The following PRKD1 variants were observed in gnomAD, a reference collection of about 807,000 sequenced individuals.
The protein encoded by PRKD1 is serine/threonine-protein kinase D1.
PRKD1 carries 63 observed loss-of-function variants against 95.9 expected under a neutral mutation model. The ratio of observed to expected loss-of-function variants is 0.66; its 90% confidence interval spans 0.54 to 0.81. The LOEUF (loss-of-function observed/expected upper bound fraction) is 0.81. Among genes scored for constraint, PRKD1 ranks in the 30% least tolerant of loss-of-function variants. The pLI is 0.00. For synonymous variants in PRKD1, 425 were observed against 423.1 expected (o/e 1.00, Z -0.05); for missense variants, 1,048 against 1,165.3 (o/e 0.90, Z 1.47).
intron 1 of PRKD1, among the ~76,000 whole-genome samples, chr14:29,852,601 C>T (rs1447342292): frequency 6.6e-6 from 1 of 151,778 alleles, no homozygotes; most frequent in South Asian, 2.1e-4. Context: ...ATGAAAACTT[C>T]CCAAATTTGA....
intron 2 of PRKD1, among the ~76,000 whole-genome samples, chr14:29,721,262 A>G (rs1047123451): frequency 1.3e-5 from 2 of 152,232 alleles, no homozygotes; most frequent in Non-Finnish European, 2.9e-5. Context: ...AAAAGTTATA[A>G]TACAAGATAA....
At chr14:29,770,694 T>C (rs1230730281) in intron 1 of PRKD1, among the ~76,000 whole-genome samples, 1 of 152,054 alleles carries the variant, frequency 6.6e-6, no homozygotes, top group East Asian at 1.9e-4. Context: ...AGGTCAGGCA[T>C]TGTGACTCAC....
intron 1 of PRKD1, 143 bp downstream of exon 1, chr14:29,927,106 G>C: frequency 2.3e-6 from 2 of 873,802 alleles, no homozygotes; most frequent in Non-Finnish European, 3.0e-6. Context: ...CAGCCGCGGC[G>C]GGGCCAGCCG....
In PRKD1 at chr14:29,597,628, A is replaced by G; in HGVS notation, c.2297T>C (p.Met766Thr). 1.2e-6 allele frequency: 2 copies of G among 1,614,086 alleles called. No individual in the cohort carries two copies. The highest frequency in any genetic ancestry group is 2.2e-5 in the East Asian group (1 of 44,870). Residue 766 changes from methionine (M) to threonine (T), a missense_variant, in exon 16 of 18, where the codon ATG becomes ACG. Physicochemically the swap from Met to Thr is moderately conservative, Grantham distance 81. Around this residue, in one of 3 missense-constraint regions of PRKD1, gnomAD observed 739 missense variants for 861.9 expected, o/e 0.86. Transcript: ENST00000331968. ...ATAGATGATGACCCCAACAGACCAC[A>G]TGTCTAGAGAGCGATTGTAGCCCTT... Reference protein sequence around the residue: ...RNKGYNRSLDMWSVGVIIYVS... With the variant: ...RNKGYNRSLDTWSVGVIIYVS...
chr14:29,810,685 A>G (rs571569209), intron 1 of PRKD1, among the ~76,000 whole-genome samples: 1 of 152,398 alleles, frequency 6.6e-6, no homozygotes, highest in South Asian at 2.1e-4. Flanking sequence ...TGGTGACATT[A>G]GCTTGGCACT....
At chr14:29,663,129 G>T (rs995204401) in intron 4 of PRKD1, among the ~76,000 whole-genome samples, 8 of 122,218 alleles carry the variant, frequency 6.5e-5, no homozygotes, top group South Asian at 2.9e-4. Flanking sequence ...ATATCTTATG[G>T]ATATAGTTAA....
At chr14:29,688,859 G>A (rs1057162281) in intron 2 of PRKD1, among the ~76,000 whole-genome samples, 2 of 151,168 alleles carry the variant, frequency 1.3e-5, no homozygotes, top group Non-Finnish European at 2.9e-5. Context: ...TGTGAACCCG[G>A]GAGGTGGAGG....
chr14:29,742,747 A>G (rs987576231), intron 1 of PRKD1, among the ~76,000 whole-genome samples: 7 of 152,220 alleles, frequency 4.6e-5, no homozygotes, highest in Non-Finnish European at 8.8e-5. Flanking sequence ...CATGCATATA[A>G]TCGATCAATA....
intron 16 of PRKD1, among the ~76,000 whole-genome samples, chr14:29,583,190 CA>C (rs769812508): frequency 7.2e-5 from 11 of 152,094 alleles, no homozygotes; most frequent in Non-Finnish European, 4.4e-5. Flanking sequence ...ATAAAAACAG[CA>C]AAAGGACTAT....
Position 29,883,658 on chromosome 14 carries a change from T to C in PRKD1, c.264+43591A>G, listed in dbSNP as rs186249843. Among the ~76,000 whole-genome samples the C allele has an allele frequency of 2.4e-3, 361 of 152,334 alleles. 1 individual carries two copies. The highest frequency in any genetic ancestry group is 0.01 in the Middle Eastern group (3 of 294). On this transcript the variant is annotated intron_variant, in intron 1 of 17. Coordinates refer to ENST00000331968, the MANE Select transcript of PRKD1 (RefSeq NM_002742.3). ...TGTTTACTGATTTCTGAGTTATACT[T>C]GATGGACATATCACCAAATACTTTA...
At chr14:29,624,498 C>A (rs571934799) in intron 12 of PRKD1, among the ~76,000 whole-genome samples, 2 of 151,948 alleles carry the variant, frequency 1.3e-5, no homozygotes, top group Non-Finnish European at 2.9e-5. Flanking sequence ...AAAAGCTATA[C>A]GTATCAACAC....
chr14:29,918,717 C>T (rs1251117644), intron 1 of PRKD1, among the ~76,000 whole-genome samples: 1 of 152,164 alleles, frequency 6.6e-6, no homozygotes, highest in Non-Finnish European at 1.5e-5. Context: ...CCACTCCTAA[C>T]CAGAATTGCT....
At chr14:29,916,642 T>C (rs574302183) in intron 1 of PRKD1, among the ~76,000 whole-genome samples, 1 of 152,322 alleles carries the variant, frequency 6.6e-6, no homozygotes, top group African/African-American at 2.4e-5. Context: ...TGGTCACCCA[T>C]GTTCTTACTT....
At chr14:29,917,048 A>AG (rs757725973) in intron 1 of PRKD1, among the ~76,000 whole-genome samples, 6 of 152,072 alleles carry the variant, frequency 3.9e-5, no homozygotes, top group Non-Finnish European at 8.8e-5. Context: ...GTTAGAAGGG[A>AG]GGGGGGGAAA....
chr14:29,635,183 G>A (rs910379038), intron 7 of PRKD1, among the ~76,000 whole-genome samples: 6 of 152,116 alleles, frequency 3.9e-5, no homozygotes, highest in African/African-American at 1.2e-4. Context: ...AAGCTTATTT[G>A]CTTATTTATT....
Position 29,799,126 on chromosome 14 carries a change from C to T in PRKD1, c.265-73452G>A, listed in dbSNP as rs531223700. Among the ~76,000 whole-genome samples the T allele has an allele frequency of 3.3e-5, 5 of 152,250 alleles. No individual in the cohort carries two copies. In the East Asian group the frequency reaches 9.6e-4, roughly 29 times the overall value. On this transcript the variant is annotated intron_variant, in intron 1 of 17. Coordinates refer to ENST00000331968, the MANE Select transcript of PRKD1 (RefSeq NM_002742.3). ...TAAAGAATTAAAGGATTGGCATCAACCTAAAAGTATTAAAATAGTATGCAA... is the reference window on the plus strand; with the variant it reads ...TAAAGAATTAAAGGATTGGCATCAATCTAAAAGTATTAAAATAGTATGCAA...
intron 1 of PRKD1, among the ~76,000 whole-genome samples, chr14:29,850,453 A>AAC (rs57312847): frequency 0.077 from 11,398 of 147,838 alleles, 1,041 homozygotes; most frequent in African/African-American, 0.22. Flanking sequence ...CCCCATTCAA[A>AAC]ACACACACAC....
intron 1 of PRKD1, among the ~76,000 whole-genome samples, chr14:29,821,237 T>C (rs1027302413): frequency 6.6e-6 from 1 of 152,296 alleles, no homozygotes; most frequent in Non-Finnish European, 1.5e-5. Flanking sequence ...AGGTAGATTG[T>C]GTAGATTGAG....
intron 2 of PRKD1, 110 bp from the exon 3 acceptor site, chr14:29,666,318 G>A: frequency 1.7e-6 from 2 of 1,175,002 alleles, no homozygotes. Context: ...CCTAGGCAAA[G>A]TTAGGGAAGA....
Sources: allele counts gnomAD v4.1 joint callset (sites outside exome capture counted in the v4.1 genomes callset), GRCh38; gene constraint gnomAD v4.1.1; regional missense constraint gnomAD v4.1.1; transcripts MANE v1.5; gene names NCBI Gene and HGNC (gene_info 2026-07-23, HGNC 2026-07-21).